FOXP2: variants seen among roughly 807,000 people sequenced by gnomAD.
FOXP2 encodes the protein forkhead box P2, also known as forkhead box protein P2.
FOXP2 carries 12 observed loss-of-function variants against 115.8 expected under a neutral mutation model. That is an observed-to-expected ratio of 0.10 (90% CI 0.07 to 0.17). FOXP2 has a LOEUF of 0.17. Ranked by LOEUF, FOXP2 falls within the 10% of genes least tolerant of loss-of-function variation. FOXP2 has a pLI of 1.00. For synonymous variants in FOXP2, 328 were observed against 297.7 expected (o/e 1.10, Z -1.05); for missense variants, 629 against 843.5 (o/e 0.75, Z 3.15).
At chr7:114,640,249 T>C (rs1725626437) in intron 6 of FOXP2, among the ~76,000 whole-genome samples, 1 of 152,200 alleles carries the variant, frequency 6.6e-6, no homozygotes, top group South Asian at 2.1e-4. Flanking sequence ...TATAGATCTT[T>C]ATATAAAAAG....
At chr7:114,566,785 T>G (rs1801046512) in intron 3 of FOXP2, among the ~76,000 whole-genome samples, 1 of 152,046 alleles carries the variant, frequency 6.6e-6, no homozygotes. Context: ...AAAGAAAAAT[T>G]TGAGGATCCT....
At chr7:114,370,633 A>G (rs139344127) in intron 2 of FOXP2, among the ~76,000 whole-genome samples, 47 of 152,340 alleles carry the variant, frequency 3.1e-4, no homozygotes, top group African/African-American at 1.1e-3. Flanking sequence ...TAACACAGGA[A>G]GCTCAAATTC....
intron 1 of FOXP2, among the ~76,000 whole-genome samples, chr7:114,202,239 C>T (rs879266600): frequency 3.3e-5 from 5 of 151,802 alleles, no homozygotes; most frequent in Non-Finnish European, 7.4e-5. Flanking sequence ...AAATATCCTT[C>T]TCTCTTGCCT....
intron 1 of FOXP2, among the ~76,000 whole-genome samples, chr7:114,255,525 T>C (rs527986568): frequency 3.3e-5 from 5 of 152,200 alleles, no homozygotes; most frequent in African/African-American, 1.2e-4. Flanking sequence ...GCTGCGGCCT[T>C]GCAGTTTGAT....
intron 1 of FOXP2, among the ~76,000 whole-genome samples, chr7:114,177,574 A>G (rs1480384629): frequency 6.6e-6 from 1 of 152,044 alleles, no homozygotes; most frequent in Non-Finnish European, 1.5e-5. Context: ...ATATCTATTT[A>G]TATATGGTTT....
chr7:114,486,742 TGCAAGTTTGAAA>T (rs2129240856), intron 2 of FOXP2, among the ~76,000 whole-genome samples: 1 of 152,314 alleles, frequency 6.6e-6, no homozygotes, highest in East Asian at 1.9e-4. Context: ...GCAGGCCCCA[TGCAAGTTTGAAA>T]TCCATTAGGA....
chr7:114,329,218 CA>C (rs1797634206), intron 2 of FOXP2, among the ~76,000 whole-genome samples: 1 of 151,778 alleles, frequency 6.6e-6, no homozygotes, highest in African/African-American at 2.4e-5. Context: ...ATGATTAGGC[CA>C]AAAAATTGTG....
At chr7:114,492,636 A>G (rs959057177) in intron 2 of FOXP2, among the ~76,000 whole-genome samples, 1 of 152,048 alleles carries the variant, frequency 6.6e-6, no homozygotes, top group Non-Finnish European at 1.5e-5. Flanking sequence ...GGTGTCAAAG[A>G]ACATCTTTAT....
In FOXP2 at chr7:114,665,876, T is replaced by C. The variant is rs1047257698; in HGVS notation, c.2003+1440T>C. 2.0e-5 allele frequency: 3 copies of C among 152,120 alleles called. No homozygotes were observed. In the South Asian group the frequency reaches 6.2e-4, roughly 31 times the overall value. The allele number at this position is 152,120 out of a possible 1,614,324, so 9.4% of individuals were successfully genotyped here. On this transcript the variant is annotated intron_variant, in intron 16 of 16. Coordinates refer to ENST00000350908, the MANE Select transcript of FOXP2 (RefSeq NM_014491.4). ...CAGTGGGTAGCTTGCGGCCTTTTAC[T>C]TTCAGCAGTTCTCCTGAGTATGCTA... is the stretch of plus-strand genomic sequence containing the variant.
At chr7:114,503,395 A>T (rs1207981490) in intron 2 of FOXP2, among the ~76,000 whole-genome samples, 1 of 151,690 alleles carries the variant, frequency 6.6e-6, no homozygotes, top group Non-Finnish European at 1.5e-5. Context: ...CTATCTAAGG[A>T]TGACAATGGC....
intron 1 of FOXP2, among the ~76,000 whole-genome samples, chr7:114,418,474 C>T (rs1351087047): frequency 1.3e-5 from 2 of 151,804 alleles, no homozygotes; most frequent in Non-Finnish European, 2.9e-5. Context: ...TCACCTTCTT[C>T]TAAAGAAGTT....
rs529684908 is a variant in FOXP2, at chr7:114,508,436, A to G, written c.169-26181A>G. On this transcript the variant is annotated intron_variant, in intron 2 of 16. Transcript: ENST00000350908. Reference sequence around the variant, plus strand: ...AATGAATAAAACTGAAATGATCTTTACCTTCTTAGAGCTTATGATCTAGTC... The same window carrying G: ...AATGAATAAAACTGAAATGATCTTTGCCTTCTTAGAGCTTATGATCTAGTC... Among the ~76,000 whole-genome samples, 3 of 152,170 alleles carry G rather than the reference A, an allele frequency of 2.0e-5. No homozygotes were observed. In the South Asian group the frequency reaches 6.2e-4, roughly 32 times the overall value.
chr7:114,261,875 A>G (rs1795762012), intron 1 of FOXP2, among the ~76,000 whole-genome samples: 1 of 152,020 alleles, frequency 6.6e-6, no homozygotes, highest in South Asian at 2.1e-4. Context: ...CCTGGACAAC[A>G]TGGTGCAAGC....
chr7:114,267,344 A>C (rs959396334), intron 1 of FOXP2, among the ~76,000 whole-genome samples: 1 of 152,142 alleles, frequency 6.6e-6, no homozygotes, highest in Non-Finnish European at 1.5e-5. Flanking sequence ...TTCATTTACT[A>C]TTCATTTACT....
At chr7:114,504,471 AT>A (rs1332618969) in intron 2 of FOXP2, among the ~76,000 whole-genome samples, 9 of 151,716 alleles carry the variant, frequency 5.9e-5, no homozygotes, top group African/African-American at 2.2e-4. Context: ...AGCTGATGTT[AT>A]TTCTGTTCCT....
At chr7:114,452,655 G>T (rs904866562) in intron 2 of FOXP2, among the ~76,000 whole-genome samples, 4 of 151,976 alleles carry the variant, frequency 2.6e-5, no homozygotes, top group Non-Finnish European at 4.4e-5. Context: ...AAGGCATTTC[G>T]CCTCTCTCAA....
rs968061860 is a variant in FOXP2 at position 114,271,965 on chromosome 7, T to TATATATAATATAATTATATATA, written c.-101-16042_-101-16021dup. Among the ~76,000 whole-genome samples, 183 of 133,074 alleles carry TATATATAATATAATTATATATA rather than the reference T, an allele frequency of 1.4e-3. 1 individual carries two copies. The highest frequency in any genetic ancestry group is 0.013 in the East Asian group (60 of 4,668). The allele number at this position is 133,074 out of a possible 152,430, so 87.3% of individuals were successfully genotyped here. The stretch of plus-strand genomic sequence containing the variant: ...ATATTGTATTTATTATTATATTAAT[T>TATATATAATATAATTATATATA]ATATATAATATAATTATATATAATA... On this transcript the variant is annotated intron_variant, in intron 1 of 17. Coordinates refer to the FOXP2 transcript ENST00000634411.
chr7:114,165,454 G>C (rs1792954819), intron 1 of FOXP2, among the ~76,000 whole-genome samples: 1 of 152,114 alleles, frequency 6.6e-6, no homozygotes, highest in African/African-American at 2.4e-5. Flanking sequence ...ATATACAAAA[G>C]TCAATTGCTT....
At chr7:114,187,342 G>T (rs185222692) in intron 1 of FOXP2, among the ~76,000 whole-genome samples, 4 of 152,262 alleles carry the variant, frequency 2.6e-5, no homozygotes, top group African/African-American at 9.6e-5. Context: ...AGATATCCTA[G>T]TTCATTGCTT....
Sources: allele counts gnomAD v4.1 joint callset (sites outside exome capture counted in the v4.1 genomes callset), GRCh38; gene constraint gnomAD v4.1.1; transcripts MANE v1.5; gene names NCBI Gene and HGNC (gene_info 2026-07-23, HGNC 2026-07-21).